The following GRIK3 variants were observed in gnomAD, a reference collection of about 807,000 sequenced individuals.
The protein encoded by GRIK3 is glutamate ionotropic receptor kainate type subunit 3.
Under a neutral mutation model 102.5 loss-of-function variants are expected in GRIK3, and 29 were observed. The observed-to-expected ratio is 0.28, with a 90% CI of 0.21 to 0.39. The LOEUF (loss-of-function observed/expected upper bound fraction) is 0.39, where lower values mean the gene tolerates loss of function less well. Among genes scored for constraint, GRIK3 ranks in the 10% least tolerant of loss-of-function variants. GRIK3 has a pLI of 1.00. For missense variants in GRIK3, 908 were observed against 1,252.4 expected (o/e 0.73, Z 4.15); for synonymous variants, 511 against 504.9 (o/e 1.01, Z -0.16).
chr1:36,878,564 CA>C (rs1640933752), intron 3 of GRIK3, among the ~76,000 whole-genome samples: 1 of 152,220 alleles, frequency 6.6e-6, no homozygotes, highest in Admixed American at 6.5e-5. Flanking sequence ...GACATGTGGG[CA>C]GAGCAAGGCC....
In GRIK3 at chr1:36,817,330, C is replaced by A. The variant is rs1642643310; in HGVS notation, c.1874-53G>T. On this transcript the variant is annotated intron_variant, in intron 12 of 15. Coordinates refer to ENST00000373091, the MANE Select transcript of GRIK3 (RefSeq NM_000831.4). ...CCTTACAACATCCAGACTAGCGCTGCTCAAGTCCCCTGGGTCATGGATTCC... is the reference window on the plus strand; with the variant it reads ...CCTTACAACATCCAGACTAGCGCTGATCAAGTCCCCTGGGTCATGGATTCC... 8 of 1,193,702 alleles carry A rather than the reference C, an allele frequency of 6.7e-6. No homozygotes were observed. In the Admixed American group the frequency reaches 1.4e-4, roughly 20 times the overall value. 73.9% of individuals were successfully genotyped at this position (1,193,702 alleles called of 1,614,324 possible). A position where few individuals can be genotyped will look rare whatever the true frequency, so the allele number is the denominator to read the frequency against.
At chr1:36,910,273 T>G (rs542370890) in intron 1 of GRIK3, among the ~76,000 whole-genome samples, 24 of 152,364 alleles carry the variant, frequency 1.6e-4, no homozygotes, top group African/African-American at 5.3e-4. Context: ...AGCCCACTCT[T>G]TCTTTTCTAG....
chr1:36,867,258 C>T (rs1253884472), intron 5 of GRIK3, among the ~76,000 whole-genome samples: 5 of 152,176 alleles, frequency 3.3e-5, no homozygotes, highest in African/African-American at 9.7e-5. Context: ...ATCTCTTTCT[C>T]TGATTATCAC....
intron 4 of GRIK3, 142 bp from the exon 5 acceptor site, chr1:36,869,943 C>G: frequency 1.5e-6 from 1 of 671,942 alleles, no homozygotes; most frequent in Non-Finnish European, 2.7e-6. Flanking sequence ...GAGACCACCT[C>G]TGAACAGTGA....
At chr1:36,985,563 A>G (rs184929222) in intron 1 of GRIK3, among the ~76,000 whole-genome samples, 251 of 152,218 alleles carry the variant, frequency 1.6e-3, no homozygotes, top group African/African-American at 5.3e-3. Context: ...TGGGCAAAAG[A>G]TGTGGGCACT....
intron 1 of GRIK3, among the ~76,000 whole-genome samples, chr1:37,023,736 A>G (rs1308342832): frequency 6.6e-6 from 1 of 152,236 alleles, no homozygotes; most frequent in African/African-American, 2.4e-5. Flanking sequence ...AAGCTTCACT[A>G]TTCAGAACAG....
chr1:37,028,531 C>G (rs898022846), intron 1 of GRIK3, among the ~76,000 whole-genome samples: 1 of 152,166 alleles, frequency 6.6e-6, no homozygotes, highest in Non-Finnish European at 1.5e-5. Flanking sequence ...CAGTCTGACA[C>G]TGAAAACTAG....
chr1:36,922,544 T>C (rs1416148227), intron 1 of GRIK3, among the ~76,000 whole-genome samples: 1 of 152,186 alleles, frequency 6.6e-6, no homozygotes, highest in Non-Finnish European at 1.5e-5. Context: ...ATGCAGAATA[T>C]CACCCTTCAC....
chr1:37,019,566 T>A (rs1382104069), intron 1 of GRIK3, among the ~76,000 whole-genome samples: 1 of 152,082 alleles, frequency 6.6e-6, no homozygotes, highest in Non-Finnish European at 1.5e-5. Context: ...CATGAGGACA[T>A]TCAAATACCA....
In GRIK3 at chr1:36,806,617, T is replaced by G. The variant is rs1045076784; in HGVS notation, c.2092-291A>C. ...TGACTTTTTAAACATGGATTTTCTT[T>G]CTCTAAAATTTATTAAAAGTTAGCA... On this transcript the variant is annotated intron_variant, in intron 13 of 15. Coordinates refer to ENST00000373091, the MANE Select transcript of GRIK3 (RefSeq NM_000831.4). The surrounding 1 kb of genome is among the most constrained non-coding windows in gnomAD (Gnocchi z 4.0). Among the ~76,000 whole-genome samples, 1 of 152,202 alleles carries G rather than the reference T, an allele frequency of 6.6e-6. No individual in the cohort carries two copies. The highest frequency in any genetic ancestry group is 6.5e-5 in the Admixed American group (1 of 15,284).
chr1:36,888,849 C>T (rs1159596515), intron 2 of GRIK3, among the ~76,000 whole-genome samples: 1 of 152,168 alleles, frequency 6.6e-6, no homozygotes, highest in Non-Finnish European at 1.5e-5. Flanking sequence ...AGCTCTCTCT[C>T]ATTTTCTGGT....
chr1:36,863,745 C>T (rs949641959), intron 5 of GRIK3, among the ~76,000 whole-genome samples: 15 of 152,182 alleles, frequency 9.9e-5, no homozygotes, highest in Non-Finnish European at 1.8e-4. Context: ...CTGCTCTTAT[C>T]CTGAGACTTC....
intron 1 of GRIK3, among the ~76,000 whole-genome samples, chr1:37,004,864 C>T (rs1042021543): frequency 1.3e-5 from 2 of 152,210 alleles, no homozygotes; most frequent in Non-Finnish European, 2.9e-5. Flanking sequence ...TTCCCACCTG[C>T]AGGCCCAGCC....
intron 5 of GRIK3, among the ~76,000 whole-genome samples, chr1:36,865,412 C>T (rs927852437): frequency 6.6e-5 from 10 of 152,220 alleles, no homozygotes; most frequent in Non-Finnish European, 8.8e-5. Flanking sequence ...CCAGATGCCA[C>T]TGTCCTCCCA....
At chr1:36,847,168 T>A (rs1640529430) in intron 9 of GRIK3, among the ~76,000 whole-genome samples, 1 of 152,188 alleles carries the variant, frequency 6.6e-6, no homozygotes, top group Non-Finnish European at 1.5e-5. Context: ...GATATCTGCT[T>A]CAGGAGCTGA....
At chr1:36,856,987 C>A (rs944651848) in intron 7 of GRIK3, among the ~76,000 whole-genome samples, 5 of 152,160 alleles carry the variant, frequency 3.3e-5, no homozygotes, top group African/African-American at 4.8e-5. Context: ...CTGCTACGAG[C>A]CAGGCGTTGT....
chr1:37,010,110 T>C (rs1444664372), intron 1 of GRIK3, among the ~76,000 whole-genome samples: 1 of 152,158 alleles, frequency 6.6e-6, no homozygotes, highest in East Asian at 1.9e-4. Flanking sequence ...AGGGCAACTG[T>C]AGTGCAGGAG....
intron 9 of GRIK3, among the ~76,000 whole-genome samples, chr1:36,845,548 G>A (rs1163085284): frequency 2.6e-5 from 4 of 152,212 alleles, no homozygotes; most frequent in Non-Finnish European, 5.9e-5. Flanking sequence ...ATTTGGGAAG[G>A]ATCCAGGGAT....
At position 36,859,166 on chromosome 1, in the gene GRIK3, T is replaced by G; in HGVS notation, c.1046A>C (p.Gln349Pro). 1 of 1,613,906 alleles carries G rather than the reference T, an allele frequency of 6.2e-7. No homozygotes were observed. The highest frequency in any genetic ancestry group is 8.5e-7 in the Non-Finnish European group (1 of 1,179,778). ...GCGCCAGGCCTTGTGCCGATGGCAC[T>G]GCAGGGAGTTCACGGTCATCTGTGG... ...RAPQMTVNSL[Q>P]CHRHKAWRFG... is the part of the protein sequence containing the mutation. Residue 349 changes from glutamine (Q) to proline (P), a missense_variant, in exon 7 of 16, where the codon CAG (glutamine) becomes CCG (proline). Coordinates refer to ENST00000373091, the MANE Select transcript of GRIK3 (RefSeq NM_000831.4).
Sources: gnomAD v4.1 joint callset for allele counts (sites outside exome capture counted in the v4.1 genomes callset) on GRCh38, gnomAD v4.1.1 for gene constraint, Gnocchi (gnomAD v3.1) non-coding constraint, MANE v1.5 for transcripts, NCBI Gene and HGNC (gene_info 2026-07-23, HGNC 2026-07-21) for gene names.